CLEC4M: variants seen among roughly 807,000 people sequenced by gnomAD.
The protein encoded by CLEC4M is C-type lectin domain family 4 member M, also known as CD209 antigen-like protein 1.
A neutral mutation model predicts 39.1 loss-of-function variants in CLEC4M; 25 were observed. The ratio of observed to expected loss-of-function variants is 0.64; its 90% confidence interval spans 0.47 to 0.89. The LOEUF (loss-of-function observed/expected upper bound fraction) is 0.89, where lower values mean the gene tolerates loss of function less well. Among genes scored for constraint, CLEC4M ranks in the 40% least tolerant of loss-of-function variants. The pLI, the probability that CLEC4M is intolerant of heterozygous loss-of-function variation, is 0.00. For synonymous variants in CLEC4M, 155 were observed against 177.4 expected (o/e 0.87, Z 1.00); for missense variants, 353 against 431.4 (o/e 0.82, Z 1.61).
At position 7,767,527 on chromosome 19, in the gene CLEC4M, G is replaced by C. The variant is rs773020901; in HGVS notation, c.948G>C (p.Gln316His). ...CCTCTACCCTCCAGAACTTCCTACA[G>C]CTGCAGACTTCCAGGAGTAACCGCT... ...IKTAEEQNFL[Q>H]LQTSRSNRFS... Residue 316 changes from glutamine to histidine, a missense_variant, in exon 6 of 7, where the codon CAG becomes CAC. By Grantham distance (24) the Gln-to-His change is conservative (BLOSUM62 0). Transcript: ENST00000327325. 4 of 1,613,996 alleles carry C rather than the reference G, an allele frequency of 2.5e-6. No individual in the cohort carries two copies.
chr19:7,765,334 G>C, intron 3 of CLEC4M, 66 bp downstream of exon 3: 1 of 1,560,320 alleles, frequency 6.4e-7, no homozygotes, highest in Non-Finnish European at 8.8e-7. Context: ...ACAGAGCCTG[G>C]AGTGGCCAGG....
chr19:7,764,280 G>A (rs1157459202), intron 2 of CLEC4M, among the ~76,000 whole-genome samples: 2 of 151,994 alleles, frequency 1.3e-5, no homozygotes, highest in Admixed American at 1.3e-4. Flanking sequence ...TTATTCAATT[G>A]AGACATGCAT....
intron 2 of CLEC4M, among the ~76,000 whole-genome samples, chr19:7,764,769 G>A (rs2034172633): frequency 6.6e-6 from 1 of 152,192 alleles, no homozygotes; most frequent in Non-Finnish European, 1.5e-5. Context: ...GGGATTACAA[G>A]TGTGAGCCAC....
intron 5 of CLEC4M, 100 bp from the exon 6 acceptor site, chr19:7,767,416 C>A (rs1224053068): frequency 2.4e-6 from 2 of 842,928 alleles, no homozygotes; most frequent in Non-Finnish European, 3.9e-6. Context: ...CAGAAAACTG[C>A]AGGTTAACTT....
chr19:7,763,440 C>A lies in CLEC4M; in HGVS notation c.94C>A (p.Gln32Lys), dbSNP rs1217081138. 6.2e-7 allele frequency: 1 copy of A among 1,614,030 alleles called. No individual in the cohort carries two copies. The highest frequency in any genetic ancestry group is 1.7e-5 in the Admixed American group (1 of 60,012). The change falls in exon 2 of 7, where the codon CAA becomes AAA. Residue 32 changes from glutamine to lysine, a missense_variant. Gln to Lys is a moderately conservative substitution (Grantham distance 53). Around this residue, in one of 4 missense-constraint regions of CLEC4M, gnomAD observed 91 missense variants for 77.8 expected, o/e 1.17. Coordinates refer to ENST00000327325, the MANE Select transcript of CLEC4M (RefSeq NM_014257.5). ...SGIRLFPRDF[Q>K]FQQIHGHKSS... ...CATCAGACTTTTTCCAAGAGACTTT[C>A]AATTCCAGCAGATACATGGCCACAA...
chr19:7,766,676 C>A lies in CLEC4M; in HGVS notation c.805C>A (p.Pro269Thr). ...AACAGAACGCCTGTGCCGCCACTGTCCCAAGGACTGGACATTCTTCCAAGG... is the reference window on the plus strand; with the variant it reads ...AACAGAACGCCTGTGCCGCCACTGTACCAAGGACTGGACATTCTTCCAAGG... ...TAFERLCRHC[P>T]KDWTFFQGNC... Residue 269 changes from proline (P) to threonine (T), a missense_variant, in exon 5 of 7, where the codon CCC becomes ACC. This residue lies in a region of CLEC4M where 196 missense variants were observed against 211.7 expected (regional missense o/e 0.93). Coordinates refer to ENST00000327325, the MANE Select transcript of CLEC4M (RefSeq NM_014257.5). 6.2e-7 allele frequency: 1 copy of A among 1,614,248 alleles called. No individual in the cohort carries two copies. Among genetic ancestry groups the A allele is most frequent in the Admixed American group, 1.7e-5 (1 of 60,024 alleles).
rs2034386920 is a variant in CLEC4M, at chr19:7,768,673, G to A, written c.1050-165G>A. 4 of 663,666 alleles carry A rather than the reference G, an allele frequency of 6.0e-6. No homozygotes were observed. In the South Asian group the frequency reaches 1.2e-4, roughly 19 times the overall value. 41.1% of individuals were successfully genotyped at this position (663,666 alleles called of 1,614,324 possible). A position where few individuals can be genotyped will look rare whatever the true frequency, so the allele number is the denominator to read the frequency against. Reference sequence around the variant, plus strand: ...AGGCTGGGATGCAGCAAGAGAGGCAGGAACTGAAGGCAACATGACTCGGGC... The same window carrying A: ...AGGCTGGGATGCAGCAAGAGAGGCAAGAACTGAAGGCAACATGACTCGGGC... On this transcript the variant is annotated intron_variant, in intron 6 of 6. Coordinates refer to ENST00000327325, the MANE Select transcript of CLEC4M (RefSeq NM_014257.5).
chr19:7,765,477 T>A, intron 3 of CLEC4M, 161 bp from the exon 4 acceptor site: 3 of 1,293,260 alleles, frequency 2.3e-6, no homozygotes, highest in Non-Finnish European at 3.2e-6. Context: ...TGGCTCTCCT[T>A]GGCCTTCTGT....
Position 7,768,583 on chromosome 19 carries a change from G to GAA in CLEC4M, c.1050-251_1050-250dup, listed in dbSNP as rs1298267456. On this transcript the variant is annotated intron_variant, in intron 6 of 6. Coordinates refer to ENST00000327325, the MANE Select transcript of CLEC4M (RefSeq NM_014257.5). ...AGAGCGAGAATCTGTCTCAAAAAAA[G>GAA]AAAAAGAGAAAGAAAAGAACAAAGG... The GAA allele has an allele frequency of 2.2e-5, 7 of 318,916 alleles. 1 individual carries two copies. The highest frequency in any genetic ancestry group is 1.3e-4 in the African/African-American group (6 of 47,854). The allele number at this position is 318,916 out of a possible 1,614,324, so 19.8% of individuals were successfully genotyped here.
In CLEC4M at chr19:7,769,002, A is replaced by G. The variant is rs2146366455; in HGVS notation, c.*14A>G. 2.5e-6 allele frequency: 4 copies of G among 1,612,680 alleles called. No homozygotes were observed. Among genetic ancestry groups the G allele is most frequent in the Non-Finnish European group, 1.7e-6 (2 of 1,179,004 alleles). On this transcript the variant is annotated 3_prime_UTR_variant, in exon 7 of 7. Coordinates refer to ENST00000327325, the MANE Select transcript of CLEC4M (RefSeq NM_014257.5). ...AGAGACGAATAGTTGTTTCCCTGCT[A>G]GCCTCAGCCTCCATTGTGGTATAGC...
chr19:7,763,491 G>C lies in CLEC4M; in HGVS notation c.130+15G>C. 1 of 1,610,000 alleles carries C rather than the reference G, an allele frequency of 6.2e-7. No individual in the cohort carries two copies. The highest frequency in any genetic ancestry group is 8.5e-7 in the Non-Finnish European group (1 of 1,176,486). Reference sequence around the variant, plus strand: ...GAGCTCTACAGGTAGGCAAGAGTTAGGGAGCAGATAGTGGAAGACAGAGCC... The same window carrying C: ...GAGCTCTACAGGTAGGCAAGAGTTACGGAGCAGATAGTGGAAGACAGAGCC... On this transcript the variant is annotated intron_variant, in intron 2 of 6. Transcript: ENST00000327325.
At chr19:7,766,537 G>A in intron 4 of CLEC4M, 119 bp from the exon 5 acceptor site, 3 of 1,551,650 alleles carry the variant, frequency 1.9e-6, no homozygotes, top group Non-Finnish European at 2.6e-6. Context: ...ATTCCAAGCG[G>A]TCCACCCAAC....
intron 6 of CLEC4M, 47 bp downstream of exon 6, chr19:7,767,675 C>T (rs1316453024): frequency 1.3e-6 from 2 of 1,530,086 alleles, no homozygotes; most frequent in African/African-American, 1.4e-5. Context: ...GGCTGGGTTC[C>T]TGCAACTCTG....
At chr19:7,767,317 C>T in intron 5 of CLEC4M, 199 bp from the exon 6 acceptor site, 1 of 565,478 alleles carries the variant, frequency 1.8e-6, no homozygotes, top group Admixed American at 3.0e-5. Flanking sequence ...GCCAGCTGTG[C>T]ATGCGTGCCT....
intron 2 of CLEC4M, among the ~76,000 whole-genome samples, chr19:7,764,114 A>G (rs1340887944): frequency 6.6e-6 from 1 of 151,844 alleles, no homozygotes. Context: ...AGGATTTATT[A>G]TTATTATTAT....
At chr19:7,766,943 AG>A in intron 5 of CLEC4M, 136 bp downstream of exon 5, 2 of 1,448,634 alleles carry the variant, frequency 1.4e-6, no homozygotes, top group Non-Finnish European at 1.9e-6. Context: ...ATATGAATGA[AG>A]GGGTCCCAGG....
intron 5 of CLEC4M, 114 bp from the exon 6 acceptor site, chr19:7,767,402 A>G: frequency 1.4e-6 from 1 of 734,080 alleles, no homozygotes; most frequent in Middle Eastern, 3.9e-4. Flanking sequence ...AGGACCTGCT[A>G]TATCAGAAAA....
chr19:7,765,800 T>C lies in CLEC4M; in HGVS notation c.377T>C (p.Leu126Ser). 6.2e-7 allele frequency: 1 copy of C among 1,610,636 alleles called. No homozygotes were observed. Among genetic ancestry groups the C allele is most frequent in the Middle Eastern group, 1.7e-4 (1 of 6,050 alleles). Residue 126 changes from leucine (L) to serine (S), a missense_variant, in exon 4 of 7, where the codon TTG becomes TCG. Physicochemically the swap from Leu to Ser is moderately radical, Grantham distance 145 (BLOSUM62 -2). Around this residue, in one of 4 missense-constraint regions of CLEC4M, gnomAD observed 48 missense variants for 64.8 expected, o/e 0.74. Transcript: ENST00000327325. ...LTQLKAAVGE[L>S]PEKSKLQEIY... ...CAGCTGAAGGCTGCAGTGGGTGAGT[T>C]GCCAGAGAAATCCAAGCTGCAGGAG...
At chr19:7,767,843 C>A in intron 6 of CLEC4M, 1 of 535,460 alleles carries the variant, frequency 1.9e-6, no homozygotes, top group Non-Finnish European at 3.4e-6. Context: ...GAGGAGCTTG[C>A]CCTGTGGGTA....
Sources: allele counts gnomAD v4.1 joint callset (sites outside exome capture counted in the v4.1 genomes callset), GRCh38; gene constraint gnomAD v4.1.1; regional missense constraint gnomAD v4.1.1; transcripts MANE v1.5; gene names NCBI Gene and HGNC (gene_info 2026-07-23, HGNC 2026-07-21).